The following MBTPS1 variants were observed in gnomAD, a reference collection of about 807,000 sequenced individuals.
MBTPS1 encodes membrane-bound transcription factor site-1 protease.
MBTPS1 carries 94 observed loss-of-function variants against 127.8 expected under a neutral mutation model. The ratio of observed to expected loss-of-function variants is 0.74; its 90% CI spans 0.62 to 0.87. MBTPS1 has a LOEUF of 0.87. Among genes scored for constraint, MBTPS1 ranks in the 40% least tolerant of loss-of-function variants. The pLI is 0.00. For missense variants in MBTPS1, 1,636 were observed against 1,353.2 expected (o/e 1.21, Z -3.28); for synonymous variants, 632 against 509.4 (o/e 1.24, Z -3.24).
chr16:84,067,015 A>C (rs561202725), intron 16 of MBTPS1, among the ~76,000 whole-genome samples: 37 of 152,338 alleles, frequency 2.4e-4, no homozygotes, highest in Middle Eastern at 3.4e-3. Context: ...CTTGATCCCA[A>C]TAAAGGGAAG....
chr16:84,082,095 T>G (rs1194100843), intron 10 of MBTPS1, 187 bp from the exon 11 acceptor site: 8 of 402,998 alleles, frequency 2.0e-5, no homozygotes, highest in Non-Finnish European at 3.0e-5. Flanking sequence ...AATCCAGGAC[T>G]GACCACTCCG....
At chr16:84,098,601 C>T (rs1316860465) in intron 3 of MBTPS1, among the ~76,000 whole-genome samples, 8 of 151,950 alleles carry the variant, frequency 5.3e-5, no homozygotes, top group Non-Finnish European at 1.2e-4. Context: ...GAGCGAAACT[C>T]CGTCTCAAAA....
intron 14 of MBTPS1, among the ~76,000 whole-genome samples, 174 bp from the exon 15 acceptor site, chr16:84,068,628 G>T (rs543640041): frequency 4.6e-5 from 7 of 152,226 alleles, no homozygotes; most frequent in Non-Finnish European, 1.0e-4. Flanking sequence ...CTCTGGTCTG[G>T]ACACACGGAA....
chr16:84,065,714 T>C lies in MBTPS1; in HGVS notation c.2407A>G (p.Ile803Val). Residue 803 changes from isoleucine (I) to valine (V), a missense_variant, in exon 18 of 23, where the codon ATA becomes GTA. Transcript: ENST00000343411. ...IAKFPEDGVV[I>V]TQTFKDQGLE... ...CCTTGGTCCTTGAAAGTCTGTGTTA[T>C]CACGACGCCATCTTCTGGAAACTTC... The C allele has an allele frequency of 6.2e-7, 1 of 1,612,764 alleles. No individual in the cohort carries two copies.
intron 11 of MBTPS1, chr16:84,075,591 G>A (rs1183287596): frequency 1.3e-5 from 2 of 152,280 alleles, no homozygotes; most frequent in Non-Finnish European, 2.9e-5. Context: ...CACGTGCAGT[G>A]GGCGGGCGGC....
chr16:84,082,516 C>T (rs2085956538), intron 10 of MBTPS1, among the ~76,000 whole-genome samples: 1 of 152,200 alleles, frequency 6.6e-6, no homozygotes, highest in African/African-American at 2.4e-5. Flanking sequence ...AGCTTTAACA[C>T]ACAGTGTGAC....
Position 84,056,086 on chromosome 16 carries a change from C to A in MBTPS1, c.2881G>T (p.Val961Leu). ...CGATTCGATCGAAAGTTGGGTAACA[C>A]CACCTTGTCCAGGTCAATGGAGAGT... The part of the protein sequence containing the change: ...KLLSIDLDKV[V>L]LPNFRSNRPQ... The change falls in exon 22 of 23, where the codon GTG becomes TTG. Residue 961 changes from valine to leucine, a missense_variant. Coordinates refer to ENST00000343411, the MANE Select transcript of MBTPS1 (RefSeq NM_003791.4). 1 of 1,614,048 alleles carries A rather than the reference C, an allele frequency of 6.2e-7. No individual in the cohort carries two copies. The highest frequency in any genetic ancestry group is 1.3e-5 in the African/African-American group (1 of 75,032).
chr16:84,075,714 A>C (rs113908404), intron 11 of MBTPS1: 52 of 152,384 alleles, frequency 3.4e-4, no homozygotes, highest in African/African-American at 1.2e-3. Flanking sequence ...ATCTGGGCCA[A>C]CTGAATTGCT....
intron 8 of MBTPS1, among the ~76,000 whole-genome samples, chr16:84,088,669 T>C (rs1032774484): frequency 2.0e-4 from 31 of 152,032 alleles, no homozygotes; most frequent in African/African-American, 7.5e-4. Context: ...CCACAGAGTC[T>C]AGGAGCACCA....
At chr16:84,084,196 T>G (rs1325584735) in intron 10 of MBTPS1, among the ~76,000 whole-genome samples, 1 of 152,120 alleles carries the variant, frequency 6.6e-6, no homozygotes, top group Non-Finnish European at 1.5e-5. Context: ...TGACCTCAGG[T>G]GACCTGCTGC....
intron 21 of MBTPS1, chr16:84,057,499 A>G (rs3785013): frequency 0.39 from 59,830 of 152,114 alleles, 11,876 homozygotes; most frequent in Admixed American, 0.46. Context: ...CCGGAGCAGG[A>G]GTTCCTCTCA....
chr16:84,068,716 T>G (rs1013039029), intron 14 of MBTPS1, among the ~76,000 whole-genome samples: 1 of 152,192 alleles, frequency 6.6e-6, no homozygotes, highest in Non-Finnish European at 1.5e-5. Context: ...GCCAAAGACA[T>G]GTTTAATGTG....
chr16:84,092,876 AC>A (rs2086128631), intron 6 of MBTPS1, among the ~76,000 whole-genome samples: 1 of 152,198 alleles, frequency 6.6e-6, no homozygotes, highest in South Asian at 2.1e-4. Context: ...CATGCAGACA[AC>A]CGACCCAGGG....
chr16:84,096,733 C>T (rs1454497786), intron 3 of MBTPS1, among the ~76,000 whole-genome samples: 1 of 152,218 alleles, frequency 6.6e-6, no homozygotes, highest in African/African-American at 2.4e-5. Context: ...CACGTCAATT[C>T]TGGTAAGTAA....
intron 3 of MBTPS1, 102 bp from the exon 4 acceptor site, chr16:84,095,907 C>T (rs1228976449): frequency 1.9e-4 from 169 of 897,370 alleles, no homozygotes; most frequent in Non-Finnish European, 1.5e-4. Flanking sequence ...TACCATTTGC[C>T]ACTCTGTTTG....
At chr16:84,059,237 C>A in intron 21 of MBTPS1, 65 bp downstream of exon 21, 8 of 1,556,692 alleles carry the variant, frequency 5.1e-6, no homozygotes, top group Non-Finnish European at 6.1e-6. Context: ...CCATTCTCTC[C>A]TATAAGAAAA....
At chr16:84,059,082 A>G (rs2085566718) in intron 21 of MBTPS1, among the ~76,000 whole-genome samples, 1 of 152,246 alleles carries the variant, frequency 6.6e-6, no homozygotes. Context: ...ACCAAATGTA[A>G]CAAAATGCTA....
At chr16:84,070,484 G>C in intron 13 of MBTPS1, 104 bp downstream of exon 13, 3 of 1,173,802 alleles carry the variant, frequency 2.6e-6, no homozygotes, top group Non-Finnish European at 3.7e-6. Flanking sequence ...AAGCCTATCT[G>C]TCAACTGTAC....
chr16:84,099,603 G>C (rs1402789042), intron 2 of MBTPS1, among the ~76,000 whole-genome samples: 1 of 152,070 alleles, frequency 6.6e-6, no homozygotes, highest in Non-Finnish European at 1.5e-5. Flanking sequence ...GGCCAACATA[G>C]TGAAACCCCA....
Sources: allele counts gnomAD v4.1 joint callset (sites outside exome capture counted in the v4.1 genomes callset), GRCh38; gene constraint gnomAD v4.1.1; transcripts MANE v1.5; gene names NCBI Gene and HGNC (gene_info 2026-07-23, HGNC 2026-07-21).